TLE3: variants seen among roughly 807,000 people sequenced by gnomAD.
The protein encoded by TLE3 is transducin-like enhancer protein 3.
TLE3 carries 14 observed loss-of-function variants against 93.0 expected under a neutral mutation model. That is an observed-to-expected ratio of 0.15 (90% confidence interval 0.10 to 0.24). TLE3 has a LOEUF of 0.24. Ranked by LOEUF, TLE3 falls within the 10% of genes least tolerant of loss-of-function variation. The pLI, the probability that TLE3 is intolerant of heterozygous loss-of-function variation, is 1.00. For missense variants in TLE3, 693 were observed against 1,046.6 expected (o/e 0.66, Z 4.66); for synonymous variants, 451 against 425.0 (o/e 1.06, Z -0.75).
chr15:70,064,411 A>C (rs1311009107), intron 8 of TLE3, 43 bp downstream of exon 8: 1 of 1,612,090 alleles, frequency 6.2e-7, no homozygotes, highest in African/African-American at 1.3e-5. Context: ...ACCTCCTCCC[A>C]GCACCCAAAC....
At chr15:70,055,601 A>C (rs373904923) in intron 14 of TLE3, 3 of 314,352 alleles carry the variant, frequency 9.5e-6, no homozygotes, top group East Asian at 5.3e-5. Context: ...CAACATGCCA[A>C]CCCTGGAAAG....
chr15:70,095,336 A>G, intron 3 of TLE3: 1 of 1,424,014 alleles, frequency 7.0e-7, no homozygotes, highest in African/African-American at 1.4e-5. Flanking sequence ...AAGATAGTAC[A>G]GAAGTCTCCG....
intron 17 of TLE3, 115 bp downstream of exon 17, chr15:70,053,112 G>A (rs146572976): frequency 4.3e-6 from 6 of 1,380,228 alleles, no homozygotes; most frequent in Non-Finnish European, 5.8e-6. Flanking sequence ...TTGGTCCCAA[G>A]TCTCTTGGCC....
At chr15:70,074,713 G>A in intron 5 of TLE3, 106 bp from the exon 6 acceptor site, 2 of 882,074 alleles carry the variant, frequency 2.3e-6, no homozygotes, top group Non-Finnish European at 3.4e-6. Flanking sequence ...AGAGCAGACA[G>A]AGGAGTCCCA....
At chr15:70,062,420 C>A (rs930158958) in intron 8 of TLE3, among the ~76,000 whole-genome samples, 1 of 152,206 alleles carries the variant, frequency 6.6e-6, no homozygotes, top group Admixed American at 6.5e-5. Flanking sequence ...TTTCTCCTCG[C>A]GACCCGGTGC....
In TLE3 at chr15:70,066,117, T is replaced by TG; in HGVS notation, c.473dup (p.Val159SerfsTer25). ...GCAGCCCGGAGCTGCTCCCTGTCAC[T>TG]GGGGGGATTCCTGGAGGCTGGAGAC... On this transcript the variant is annotated frameshift_variant, in exon 7 of 20. Transcript: ENST00000451782. LOFTEE classifies it high-confidence loss of function. 6.4e-7 allele frequency: 1 copy of TG among 1,567,236 alleles called. No homozygotes were observed.
intron 4 of TLE3, among the ~76,000 whole-genome samples, chr15:70,076,519 AAC>A (rs1407642670): frequency 2.0e-5 from 3 of 152,182 alleles, no homozygotes; most frequent in Admixed American, 6.5e-5. Context: ...GTAAGAGTGA[AAC>A]ACAGTTTAGT....
chr15:70,052,353 C>T, intron 18 of TLE3, 21 bp downstream of exon 18: 1 of 1,611,248 alleles, frequency 6.2e-7, no homozygotes, highest in Non-Finnish European at 8.5e-7. Context: ...TCCATCAGGC[C>T]TGGGCCCATC....
intron 4 of TLE3, among the ~76,000 whole-genome samples, chr15:70,086,769 T>C (rs2058054956): frequency 6.6e-6 from 1 of 152,184 alleles, no homozygotes; most frequent in Non-Finnish European, 1.5e-5. Context: ...AGCCAAGGCA[T>C]GGCAAGCCGA....
At chr15:70,051,577 T>A (rs2055547390) in intron 18 of TLE3, 110 bp from the exon 19 acceptor site, 8 of 834,602 alleles carry the variant, frequency 9.6e-6, no homozygotes, top group East Asian at 6.5e-5. Flanking sequence ...AACTGCTAAC[T>A]AGTATAACTC....
At chr15:70,051,543 C>T in intron 18 of TLE3, 76 bp from the exon 19 acceptor site, 1 of 1,330,812 alleles carries the variant, frequency 7.5e-7, no homozygotes, top group South Asian at 1.3e-5. Context: ...TAGACATGGC[C>T]AGCTGCCATA....
At chr15:70,070,262 A>G (rs2057073206) in intron 6 of TLE3, among the ~76,000 whole-genome samples, 1 of 152,252 alleles carries the variant, frequency 6.6e-6, no homozygotes. Flanking sequence ...GGCCTGGCTC[A>G]GAAGGTGCAG....
chr15:70,084,866 T>C (rs2141958345), intron 4 of TLE3, among the ~76,000 whole-genome samples: 1 of 152,372 alleles, frequency 6.6e-6, no homozygotes, highest in East Asian at 1.9e-4. Flanking sequence ...TGTCCCCTTG[T>C]GAGAATACCT....
chr15:70,054,857 A>G, intron 15 of TLE3, 172 bp from the exon 16 acceptor site: 4 of 1,226,254 alleles, frequency 3.3e-6, no homozygotes, highest in Non-Finnish European at 4.4e-6. Flanking sequence ...TTGATCTTTC[A>G]TGAATACCAG....
Position 70,061,756 on chromosome 15 carries a change from G to A in TLE3, c.595-1107C>T, listed in dbSNP as rs535499833. ...GCTGCCCTGGGTCAGCCCTGGTGCT[G>A]CAGGCCAGGAGTGGCAGAATGAATG... On this transcript the variant is annotated intron_variant, in intron 8 of 19. Transcript: ENST00000451782. 3.2e-4 allele frequency among the ~76,000 whole-genome samples: 49 copies of A among 152,298 alleles called. 1 individual carries two copies. In the South Asian group the frequency reaches 9.3e-3, roughly 29 times the overall value.
At chr15:70,094,098 T>G (rs1193825609) in intron 4 of TLE3, among the ~76,000 whole-genome samples, 2 of 151,686 alleles carry the variant, frequency 1.3e-5, no homozygotes, top group Non-Finnish European at 2.9e-5. Context: ...TCTTGAAGTT[T>G]AATCTTATCA....
chr15:70,096,707 G>A (rs933581177), intron 1 of TLE3, 68 bp downstream of exon 1: 17 of 1,593,584 alleles, frequency 1.1e-5, no homozygotes, highest in Non-Finnish European at 1.4e-5. Flanking sequence ...AAATGGAGGT[G>A]CCAGATAAAC....
intron 3 of TLE3, 95 bp from the exon 4 acceptor site, chr15:70,094,671 A>C: frequency 1.1e-6 from 1 of 903,618 alleles, no homozygotes. Context: ...GCCAAATCAT[A>C]CTTTTACGAT....
chr15:70,050,519 A>G (rs1436219843), intron 19 of TLE3: 1 of 189,212 alleles, frequency 5.3e-6, no homozygotes, highest in African/African-American at 2.3e-5. Context: ...CTTTAGCAAG[A>G]GCTTCTCCTC....
Sources: gnomAD v4.1 joint callset for allele counts (sites outside exome capture counted in the v4.1 genomes callset) on GRCh38, gnomAD v4.1.1 for gene constraint, MANE v1.5 for transcripts, NCBI Gene and HGNC (gene_info 2026-07-23, HGNC 2026-07-21) for gene names.